The following ANO4 variants were observed in gnomAD, a reference collection of about 807,000 sequenced individuals.
ANO4 encodes the protein anoctamin 4, also known as anoctamin-4.
A neutral mutation model predicts 141.9 loss-of-function variants in ANO4; 69 were observed. That is an observed-to-expected ratio of 0.49 (90% confidence interval 0.40 to 0.59). The LOEUF is 0.59. ANO4 is among the 20% of genes least tolerant of loss of function. The pLI is 0.00. For missense variants in ANO4, 894 were observed against 1,162.2 expected, an observed-to-expected ratio of 0.77 and a Z score of 3.36; for synonymous variants, 350 against 394.3, an observed-to-expected ratio of 0.89 and a Z score of 1.33.
chr12:100,927,087 G>T (rs1450693027), intron 3 of ANO4, among the ~76,000 whole-genome samples: 2 of 152,142 alleles, frequency 1.3e-5, no homozygotes, highest in African/African-American at 4.8e-5. Context: ...GAGTGAACGT[G>T]TGGAATCACT....
At chr12:100,896,280 A>G (rs1221515864) in intron 1 of ANO4, among the ~76,000 whole-genome samples, 1 of 152,212 alleles carries the variant, frequency 6.6e-6, no homozygotes, top group Non-Finnish European at 1.5e-5. Flanking sequence ...TGTCACAACC[A>G]GCGTCCTTAT....
chr12:101,010,450 A>G (rs963834157), intron 8 of ANO4, among the ~76,000 whole-genome samples: 1 of 152,204 alleles, frequency 6.6e-6, no homozygotes, highest in Admixed American at 6.5e-5. Flanking sequence ...AATCTTTACC[A>G]AATAGTCAGA....
intron 3 of ANO4, among the ~76,000 whole-genome samples, chr12:100,933,200 A>G (rs768890155): frequency 5.3e-5 from 8 of 151,614 alleles, no homozygotes; most frequent in Non-Finnish European, 1.0e-4. Flanking sequence ...TACATGTGCC[A>G]TGTTGGTTTG....
intron 1 of ANO4, among the ~76,000 whole-genome samples, chr12:100,875,374 G>A (rs2039248091): frequency 6.6e-6 from 1 of 152,180 alleles, no homozygotes. Context: ...AATGTTCTAT[G>A]AGCCAGGGCA....
intron 1 of ANO4, among the ~76,000 whole-genome samples, chr12:100,885,123 T>C (rs1257565473): frequency 6.6e-6 from 1 of 152,228 alleles, no homozygotes; most frequent in Non-Finnish European, 1.5e-5. Flanking sequence ...TGAGGTCTTA[T>C]GTGATTAGAT....
At chr12:100,974,462 A>G (rs1244411115) in intron 6 of ANO4, among the ~76,000 whole-genome samples, 4 of 152,124 alleles carry the variant, frequency 2.6e-5, no homozygotes, top group African/African-American at 9.7e-5. Flanking sequence ...TAGCGTGCCC[A>G]CTAAATTATG....
At chr12:101,039,420 G>C (rs138635388) in intron 10 of ANO4, among the ~76,000 whole-genome samples, 1,956 of 152,294 alleles carry the variant, frequency 0.013, 38 homozygotes, top group African/African-American at 0.045. Context: ...TGGGAGGATT[G>C]CTTGAGCCTG....
intron 1 of ANO4, among the ~76,000 whole-genome samples, chr12:100,812,147 A>G (rs886072787): frequency 1.3e-5 from 2 of 152,190 alleles, no homozygotes; most frequent in African/African-American, 4.8e-5. Flanking sequence ...CACTTAGCTC[A>G]GCATCTGGCA....
chr12:100,933,369 G>A (rs879569801), intron 3 of ANO4, among the ~76,000 whole-genome samples: 11 of 152,144 alleles, frequency 7.2e-5, no homozygotes, highest in Admixed American at 6.5e-4. Flanking sequence ...AGCATGCGGT[G>A]TTTGGCTTTC....
intron 14 of ANO4, among the ~76,000 whole-genome samples, chr12:101,054,754 C>A (rs1270584252): frequency 6.6e-6 from 1 of 151,948 alleles, no homozygotes; most frequent in Non-Finnish European, 1.5e-5. Context: ...CCCGCCTTGG[C>A]CTCCCAAAGT....
intron 1 of ANO4, among the ~76,000 whole-genome samples, chr12:100,849,183 C>T (rs1407060237): frequency 6.6e-6 from 1 of 152,090 alleles, no homozygotes. Flanking sequence ...AAACATTTGC[C>T]TATTACAATA....
rs780210161 is a variant in ANO4, at chr12:101,097,632, T to C, written c.1851-19T>C. ...TGGACCTAGAGCACTAATGGCTTGTTTTTCTCTGTGTGTTGAAGATTTACA... is the reference window on the plus strand; with the variant it reads ...TGGACCTAGAGCACTAATGGCTTGTCTTTCTCTGTGTGTTGAAGATTTACA... On this transcript the variant is annotated intron_variant, in intron 19 of 27. Coordinates refer to ENST00000392977, the MANE Select transcript of ANO4 (RefSeq NM_001286615.2). 6.2e-7 allele frequency: 1 copy of C among 1,613,202 alleles called. No individual in the cohort carries two copies. Among genetic ancestry groups the C allele is most frequent in the South Asian group, 1.1e-5 (1 of 91,068 alleles).
intron 2 of ANO4, among the ~76,000 whole-genome samples, chr12:100,737,971 C>T (rs1183112452): frequency 6.6e-6 from 1 of 152,018 alleles, no homozygotes; most frequent in African/African-American, 2.4e-5. Flanking sequence ...TCAAAAAATC[C>T]AGGGAACAGA....
At chr12:100,758,529 T>C (rs1488874922) in intron 3 of ANO4, among the ~76,000 whole-genome samples, 4 of 152,178 alleles carry the variant, frequency 2.6e-5, no homozygotes, top group Admixed American at 2.6e-4. Context: ...TGAGAGGATT[T>C]GTTATTCTCT....
At position 100,741,526 on chromosome 12, in the gene ANO4, C is replaced by T. The variant is rs12300166; in HGVS notation, c.358+1421C>T. Reference sequence around the variant, plus strand: ...TTCCTTCCTGGGATTTTGATTCCTGCGGTTCACAAACATACCTGGAGGACC... The same window carrying T: ...TTCCTTCCTGGGATTTTGATTCCTGTGGTTCACAAACATACCTGGAGGACC... On this transcript the variant is annotated intron_variant, in intron 3 of 29. Coordinates refer to the ANO4 transcript ENST00000644049. Among the ~76,000 whole-genome samples, 388 of 152,218 alleles carry T rather than the reference C, an allele frequency of 2.5e-3. 1 individual carries two copies. The highest frequency in any genetic ancestry group is 8.8e-3 in the African/African-American group (364 of 41,552).
chr12:101,102,684 A>G (rs1012842038), intron 22 of ANO4, among the ~76,000 whole-genome samples: 1 of 152,064 alleles, frequency 6.6e-6, no homozygotes, highest in Admixed American at 6.5e-5. Flanking sequence ...TTTAAATGAA[A>G]AGAAATTTCA....
intron 1 of ANO4, among the ~76,000 whole-genome samples, chr12:100,870,300 A>G (rs1429160017): frequency 6.6e-6 from 1 of 152,216 alleles, no homozygotes; most frequent in African/African-American, 2.4e-5. Context: ...ACCCCATAGC[A>G]TCATATGACT....
chr12:100,889,095 T>A (rs958189732), intron 1 of ANO4, among the ~76,000 whole-genome samples: 2 of 147,940 alleles, frequency 1.4e-5, no homozygotes, highest in African/African-American at 5.0e-5. Flanking sequence ...GTGTTCTCAT[T>A]GTTCAATTCT....
At position 100,736,673 on chromosome 12, in the gene ANO4, T is replaced by C. The variant is rs550069301; in HGVS notation, c.106+2816T>C. ...TTTGGAAATAGGGTCTTTGCAGGTG[T>C]AGTTAAGTTAAGATGAGGTCATCTG... is the stretch of plus-strand genomic sequence containing the variant. On this transcript the variant is annotated intron_variant, in intron 2 of 29. Coordinates refer to the ANO4 transcript ENST00000644049. Among the ~76,000 whole-genome samples the C allele has an allele frequency of 2.0e-5, 3 of 152,182 alleles. No individual in the cohort carries two copies. In the South Asian group the frequency reaches 6.2e-4, roughly 32 times the overall value.
Sources: gnomAD v4.1 joint callset for allele counts (sites outside exome capture counted in the v4.1 genomes callset) on GRCh38, gnomAD v4.1.1 for gene constraint, MANE v1.5 for transcripts, NCBI Gene and HGNC (gene_info 2026-07-23, HGNC 2026-07-21) for gene names.